The following ADGRD2 variants were observed in gnomAD, a reference collection of about 807,000 sequenced individuals.
ADGRD2 encodes the protein adhesion G protein-coupled receptor D2, also known as G protein-coupled receptor PGR24.
ADGRD2 carries 71 observed loss-of-function variants against 44.4 expected under a neutral mutation model. That is an observed-to-expected ratio of 1.60 (90% CI 1.32 to 1.95). The LOEUF is 1.95. Ranked by LOEUF, ADGRD2 falls within the 30% of genes most tolerant of loss-of-function variation. The pLI, the probability that ADGRD2 is intolerant of heterozygous loss-of-function variation, is 0.00. For synonymous variants in ADGRD2, 481 were observed against 224.8 expected (o/e 2.14, Z -10.19); for missense variants, 1,039 against 512.4 (o/e 2.03, Z -9.92).
At position 124,453,986 on chromosome 9, in the gene ADGRD2, C is replaced by A; in HGVS notation, c.924-13C>A. 1 of 670,148 alleles carries A rather than the reference C, an allele frequency of 1.5e-6. No individual in the cohort carries two copies. The highest frequency in any genetic ancestry group is 2.7e-6 in the Non-Finnish European group (1 of 365,804). The allele number at this position is 670,148 out of a possible 1,614,324, so 41.5% of individuals were successfully genotyped here. A position where few individuals can be genotyped will look rare whatever the true frequency, so the allele number is the denominator to read the frequency against. ...CCCCTAGGGAGCCCTGACAGCTCCCCTGCCCCTGCCAGTGCCCTCCGAGGA... is the reference window on the plus strand; with the variant it reads ...CCCCTAGGGAGCCCTGACAGCTCCCATGCCCCTGCCAGTGCCCTCCGAGGA... On this transcript the variant is annotated splice_polypyrimidine_tract_variant and intron_variant, in intron 3 of 21. Transcript: ENST00000334810.
chr9:124,455,652 C>T (rs922545178), intron 6 of ADGRD2, among the ~76,000 whole-genome samples: 2 of 152,108 alleles, frequency 1.3e-5, no homozygotes, highest in African/African-American at 4.8e-5. Context: ...GATTAAGAAC[C>T]ACCAGTCAGT....
exon 11 of ADGRD2, chr9:124,466,313 C>T (rs1228872453): frequency 1.4e-6 from 1 of 716,450 alleles, no homozygotes; most frequent in African/African-American, 1.7e-5. Flanking sequence ...GCCTGGGCCA[C>T]CACAGGCTGC....
upstream of ADGRD2, among the ~76,000 whole-genome samples, chr9:124,450,932 C>A (rs762329890): frequency 1.3e-5 from 2 of 152,210 alleles, no homozygotes; most frequent in African/African-American, 4.8e-5. Flanking sequence ...ACCCAGGAGG[C>A]TCTTCCCTGC....
At chr9:124,456,051 G>T (rs926396555) in intron 6 of ADGRD2, among the ~76,000 whole-genome samples, 1 of 152,214 alleles carries the variant, frequency 6.6e-6, no homozygotes, top group African/African-American at 2.4e-5. Flanking sequence ...TGGGAAGTGT[G>T]CAAGCCCATA....
chr9:124,471,470 G>C (rs575485310), intron 17 of ADGRD2, among the ~76,000 whole-genome samples: 1 of 152,314 alleles, frequency 6.6e-6, no homozygotes, highest in South Asian at 2.1e-4. Context: ...GGAGAGCCAA[G>C]GTGGTAACAG....
At chr9:124,458,036 A>G (rs1166874801) in intron 8 of ADGRD2, 77 bp from the exon 12 acceptor site, 1 of 705,278 alleles carries the variant, frequency 1.4e-6, no homozygotes, top group Non-Finnish European at 2.6e-6. Context: ...GAGTGGGGAG[A>G]GCATCACCCT....
At chr9:124,451,915 C>T (rs894641280), upstream of ADGRD2, among the ~76,000 whole-genome samples, 2 of 151,982 alleles carry the variant, frequency 1.3e-5, no homozygotes, top group Admixed American at 6.5e-5. Flanking sequence ...CTCAGGGCAG[C>T]AAAGGGCCCT....
Position 124,467,340 on chromosome 9 carries a change from CAAAAAAAAAAA to C in ADGRD2, c.2027-367_2027-357del, listed in dbSNP as rs59651695. On this transcript the variant is annotated intron_variant, in intron 11 of 21. Transcript: ENST00000334810. ...TGGGTGACAGACTGTCTTGAAGCAACAAAAAAAAAAAAAAAAAAAAAAAAGTCAGAGCGTGG... is the reference window on the plus strand; with the variant it reads ...TGGGTGACAGACTGTCTTGAAGCAACAAAAAAAAAAAAAGTCAGAGCGTGG... 9.5e-5 allele frequency: 10 copies of C among 104,960 alleles called. No individual in the cohort carries two copies. The South Asian group carries it at 1.3e-3, about 14-fold the overall frequency. 6.5% of individuals were successfully genotyped at this position (104,960 alleles called of 1,614,324 possible).
chr9:124,466,135 G>T (rs1831818275), intron 10 of ADGRD2, 123 bp from the exon 14 acceptor site: 1 of 468,798 alleles, frequency 2.1e-6, no homozygotes, highest in Non-Finnish European at 3.9e-6. Context: ...CCAGGAAGGG[G>T]CGGTGACTCG....
At chr9:124,472,045 G>A (rs1831953982) in intron 17 of ADGRD2, among the ~76,000 whole-genome samples, 1 of 152,326 alleles carries the variant, frequency 6.6e-6, no homozygotes, top group Admixed American at 6.5e-5. Context: ...CTCTTTGCCA[G>A]GTGCCCCTCT....
chr9:124,477,301 G>A (rs1832067972), intron 21 of ADGRD2, among the ~76,000 whole-genome samples: 1 of 152,222 alleles, frequency 6.6e-6, no homozygotes, highest in Admixed American at 6.5e-5. Context: ...GCCCAGGGGA[G>A]CCATGCGGAC....
At chr9:124,460,026 T>C (rs1252474996) in intron 10 of ADGRD2, among the ~76,000 whole-genome samples, 1 of 152,088 alleles carries the variant, frequency 6.6e-6, no homozygotes, top group Non-Finnish European at 1.5e-5. Context: ...TTCTCCCTTC[T>C]GAAACACTAG....
Position 124,457,400 on chromosome 9 carries a change from C to T in ADGRD2, c.1506-72C>T, listed in dbSNP as rs755552655. ...TATGGCAGGAAGGAGGGATCCAGAC[C>T]CTGCTAGCTGGGCCTGCTCAGCAGA... is the stretch of plus-strand genomic sequence containing the variant. On this transcript the variant is annotated intron_variant, in intron 7 of 21. Coordinates refer to ENST00000334810, the Ensembl canonical transcript of ADGRD2. 78 of 500,268 alleles carry T rather than the reference C, an allele frequency of 1.6e-4. 1 individual carries two copies. Among genetic ancestry groups the T allele is most frequent in the Middle Eastern group, 1.4e-3 (3 of 2,116 alleles). The allele number at this position is 500,268 out of a possible 1,614,324, so 31.0% of individuals were successfully genotyped here.
intron 17 of ADGRD2, among the ~76,000 whole-genome samples, chr9:124,472,497 GTTT>G (rs370471290): frequency 2.1e-3 from 2 of 972 alleles, no homozygotes; most frequent in South Asian, 0.05. Context: ...TTTTGTTTTT[GTTT>G]TGTTTTGTTT....
chr9:124,474,423 A>G (rs900110915), intron 17 of ADGRD2, among the ~76,000 whole-genome samples: 2 of 152,028 alleles, frequency 1.3e-5, no homozygotes, highest in Non-Finnish European at 2.9e-5. Context: ...AGGAAATGGG[A>G]TGGAGAAGGC....
chr9:124,468,129 CCTT>C, exon 13 of ADGRD2: 1 of 718,624 alleles, frequency 1.4e-6, no homozygotes, highest in South Asian at 1.5e-5. Flanking sequence ...AAGAACCTCA[CCTT>C]CTCCCTGGCC....
At chr9:124,473,081 GTCTC>G (rs926134997) in intron 17 of ADGRD2, among the ~76,000 whole-genome samples, 2 of 152,242 alleles carry the variant, frequency 1.3e-5, no homozygotes, top group Middle Eastern at 3.4e-3. Flanking sequence ...GTCTCTCCCT[GTCTC>G]TCTGTGTCCA....
exon 3 of ADGRD2, chr9:124,453,387 G>A: frequency 1.8e-6 from 1 of 570,576 alleles, no homozygotes; most frequent in East Asian, 3.4e-5. Flanking sequence ...ATGGGAGGCG[G>A]CGCGCTGGGG....
chr9:124,452,448 A>C (rs1309417750), intron 1 of ADGRD2, 62 bp from the exon 5 acceptor site: 2 of 716,686 alleles, frequency 2.8e-6, no homozygotes, highest in Middle Eastern at 2.7e-4. Context: ...GGCTCCGCCC[A>C]GCCCTGGAAG....
Sources: allele counts gnomAD v4.1 joint callset (sites outside exome capture counted in the v4.1 genomes callset), GRCh38; gene constraint gnomAD v4.1.1; transcripts MANE v1.5; gene names NCBI Gene and HGNC (gene_info 2026-07-23, HGNC 2026-07-21).